The following VPS13B variants were observed in gnomAD, a reference collection of about 807,000 sequenced individuals.
The protein encoded by VPS13B is intermembrane lipid transfer protein VPS13B.
A neutral mutation model predicts 426.4 loss-of-function variants in VPS13B; 285 were observed. The observed-to-expected ratio is 0.67, with a 90% CI of 0.61 to 0.74. The LOEUF (loss-of-function observed/expected upper bound fraction) is 0.74. Among genes scored for constraint, VPS13B ranks in the 30% least tolerant of loss-of-function variants. The pLI is 0.00. For missense variants in VPS13B, 4,537 were observed against 4,782.6 expected, an observed-to-expected ratio of 0.95 and a Z score of 1.51; for synonymous variants, 1,676 against 1,676.4, an observed-to-expected ratio of 1.00 and a Z score of 0.01.
At chr8:99,407,426 C>T (rs1042472077) in intron 21 of VPS13B, among the ~76,000 whole-genome samples, 1 of 151,982 alleles carries the variant, frequency 6.6e-6, no homozygotes, top group African/African-American at 2.4e-5. Flanking sequence ...AATTATTGTA[C>T]GTTCTACATT....
chr8:99,149,324 T>A (rs996760223), intron 14 of VPS13B, among the ~76,000 whole-genome samples: 1 of 152,236 alleles, frequency 6.6e-6, no homozygotes, highest in African/African-American at 2.4e-5. Context: ...TTTGTTCGTT[T>A]GTTTGCTTTT....
intron 17 of VPS13B, among the ~76,000 whole-genome samples, chr8:99,198,501 C>A (rs1434074950): frequency 6.6e-6 from 1 of 151,936 alleles, no homozygotes; most frequent in Admixed American, 6.6e-5. Flanking sequence ...ATAAAATGGA[C>A]TGTGCTATGA....
At chr8:99,547,841 G>A (rs1824072289) in intron 30 of VPS13B, among the ~76,000 whole-genome samples, 1 of 151,946 alleles carries the variant, frequency 6.6e-6, no homozygotes, top group African/African-American at 2.4e-5. Flanking sequence ...GGAAGTCATG[G>A]GCTTCTTGAT....
intron 19 of VPS13B, among the ~76,000 whole-genome samples, chr8:99,376,610 CAAATA>C (rs964436863): frequency 6.6e-6 from 1 of 152,060 alleles, no homozygotes; most frequent in African/African-American, 2.4e-5. Context: ...TCTAAAATCT[CAAATA>C]AAATGGTGTA....
chr8:99,702,206 G>A (rs1832310511), intron 36 of VPS13B, among the ~76,000 whole-genome samples: 1 of 152,088 alleles, frequency 6.6e-6, no homozygotes, highest in South Asian at 2.1e-4. Context: ...TAGTTTTCAA[G>A]TAACATTGTT....
At chr8:99,730,020 G>A (rs1281061940) in intron 39 of VPS13B, among the ~76,000 whole-genome samples, 2 of 152,148 alleles carry the variant, frequency 1.3e-5, no homozygotes, top group African/African-American at 2.4e-5. Flanking sequence ...AATATGATTT[G>A]CCTCTTCCAC....
Position 99,859,288 on chromosome 8 carries a change from C to G in VPS13B, c.10868-16C>G, listed in dbSNP as rs371370357. 4 of 1,613,132 alleles carry G rather than the reference C, an allele frequency of 2.5e-6. No individual in the cohort carries two copies. Among genetic ancestry groups the G allele is most frequent in the Non-Finnish European group, 3.4e-6 (4 of 1,179,902 alleles). On this transcript the variant is annotated splice_polypyrimidine_tract_variant and intron_variant, in intron 56 of 61. Coordinates refer to ENST00000357162, the MANE Select transcript of VPS13B (RefSeq NM_152564.5). Reference sequence around the variant, plus strand: ...ATTTGAGGTTTCAATCACCCCTTCCCTCTTGTGCGTTGCAGGCTGGGTAGT... The same window carrying G: ...ATTTGAGGTTTCAATCACCCCTTCCGTCTTGTGCGTTGCAGGCTGGGTAGT...
At position 99,096,286 on chromosome 8, in the gene VPS13B, T is replaced by C. The variant is rs755056287; in HGVS notation, c.292-26T>C. 98 of 1,612,790 alleles carry C rather than the reference T, an allele frequency of 6.1e-5. No homozygotes were observed. In the Middle Eastern group the frequency reaches 8.2e-4, roughly 14 times the overall value. ...TTCTTGAGTATGATCGATGGTTTTC[T>C]TTTTCTTTCTTTAAAATAAAAATAG... On this transcript the variant is annotated intron_variant, in intron 3 of 61. Coordinates refer to ENST00000357162, the MANE Select transcript of VPS13B (RefSeq NM_152564.5).
At chr8:99,793,284 T>TAA (rs1554959615) in intron 43 of VPS13B, among the ~76,000 whole-genome samples, 65 of 142,534 alleles carry the variant, frequency 4.6e-4, no homozygotes, top group African/African-American at 1.0e-3. Flanking sequence ...TATATATATA[T>TAA]AAAATACATG....
intron 35 of VPS13B, among the ~76,000 whole-genome samples, chr8:99,684,924 T>C (rs1331609774): frequency 6.6e-6 from 1 of 152,194 alleles, no homozygotes; most frequent in Non-Finnish European, 1.5e-5. Context: ...TGCCTCAGCC[T>C]CCCAAGTAGC....
intron 17 of VPS13B, among the ~76,000 whole-genome samples, chr8:99,253,457 G>T (rs1231071757): frequency 2.6e-5 from 4 of 152,024 alleles, no homozygotes; most frequent in Non-Finnish European, 4.4e-5. Flanking sequence ...ATGTATGAGG[G>T]TTTCAATATC....
Position 99,091,069 on chromosome 8 carries a change from T to C in VPS13B, c.292-5243T>C, listed in dbSNP as rs1355868848. 3.3e-5 allele frequency among the ~76,000 whole-genome samples: 5 copies of C among 152,202 alleles called. No individual in the cohort carries two copies. In the East Asian group the frequency reaches 9.6e-4, roughly 29 times the overall value. On this transcript the variant is annotated intron_variant, in intron 3 of 61. Transcript: ENST00000357162. ...AACATGTTTTGCAATTTCTCTGATA[T>C]ATGTTCTGGCATAGTTTAATAGTTT...
chr8:99,785,737 G>A (rs573661934), intron 43 of VPS13B, among the ~76,000 whole-genome samples: 1 of 151,946 alleles, frequency 6.6e-6, no homozygotes, highest in African/African-American at 2.4e-5. Context: ...GAGCATACAG[G>A]TATACTGACA....
intron 39 of VPS13B, among the ~76,000 whole-genome samples, chr8:99,734,688 G>A (rs1343818444): frequency 6.6e-6 from 1 of 152,156 alleles, no homozygotes; most frequent in Non-Finnish European, 1.5e-5. Flanking sequence ...AGGAAAGGAT[G>A]AATCAGGACA....
At chr8:99,677,785 T>C (rs1181340703) in intron 35 of VPS13B, among the ~76,000 whole-genome samples, 2 of 152,222 alleles carry the variant, frequency 1.3e-5, no homozygotes, top group Admixed American at 1.3e-4. Flanking sequence ...TAGAATTATT[T>C]CTTCTACAGA....
chr8:99,294,917 CAT>C (rs1361272309), intron 19 of VPS13B, among the ~76,000 whole-genome samples: 1 of 152,138 alleles, frequency 6.6e-6, no homozygotes, highest in Non-Finnish European at 1.5e-5. Flanking sequence ...AGGATGGCAT[CAT>C]GTGGCTGGTG....
chr8:99,792,643 A>G lies in VPS13B; in HGVS notation c.7941+8167A>G, dbSNP rs143235973. ...CCAGAACCGGAAGATGGCTGCCAGC[A>G]CCAGGCAGTAAGAAGTTAAGGCCCT... On this transcript the variant is annotated intron_variant, in intron 43 of 61. Coordinates refer to ENST00000357162, the MANE Select transcript of VPS13B (RefSeq NM_152564.5). 3.5e-3 allele frequency among the ~76,000 whole-genome samples: 532 copies of G among 152,252 alleles called. 1 individual carries two copies. The highest frequency in any genetic ancestry group is 0.012 in the African/African-American group (479 of 41,566).
chr8:99,254,615 TTTTAAC>T, intron 17 of VPS13B, among the ~76,000 whole-genome samples: 1 of 151,442 alleles, frequency 6.6e-6, no homozygotes. Flanking sequence ...ATTAATTAAT[TTTTAAC>T]TTTATTTTAT....
intron 19 of VPS13B, among the ~76,000 whole-genome samples, chr8:99,379,689 TCTAA>T (rs1214076340): frequency 6.6e-6 from 1 of 152,186 alleles, no homozygotes; most frequent in Non-Finnish European, 1.5e-5. Context: ...ACTATTCACA[TCTAA>T]CTGAGGATCA....
Sources: gnomAD v4.1 joint callset for allele counts (sites outside exome capture counted in the v4.1 genomes callset) on GRCh38, gnomAD v4.1.1 for gene constraint, MANE v1.5 for transcripts, NCBI Gene and HGNC (gene_info 2026-07-23, HGNC 2026-07-21) for gene names.